RSPO3: variants seen among roughly 807,000 people sequenced by gnomAD.
RSPO3 encodes the protein R-spondin-3.
Under a neutral mutation model 36.5 loss-of-function variants are expected in RSPO3, and 17 were observed. The observed-to-expected ratio is 0.47, with a 90% confidence interval of 0.32 to 0.70. The LOEUF is 0.70. Ranked by LOEUF, RSPO3 falls within the 30% of genes least tolerant of loss-of-function variation. The pLI is 0.04. For synonymous variants in RSPO3, 108 were observed against 107.0 expected, an observed-to-expected ratio of 1.01 and a Z score of -0.06; for missense variants, 294 against 322.5, an observed-to-expected ratio of 0.91 and a Z score of 0.68.
intron 4 of RSPO3, among the ~76,000 whole-genome samples, chr6:127,179,750 A>G (rs118038424): frequency 0.027 from 4,047 of 151,964 alleles, 76 homozygotes; most frequent in Non-Finnish European, 0.04. Flanking sequence ...TGGCAACTCT[A>G]GGGTAGAATC....
intron 1 of RSPO3, among the ~76,000 whole-genome samples, chr6:127,134,312 G>A (rs931858630): frequency 6.6e-6 from 1 of 152,178 alleles, no homozygotes; most frequent in Admixed American, 6.6e-5. Context: ...CCTTGTAATG[G>A]TGTGGCATAG....
Position 127,119,015 on chromosome 6 carries a change from T to C in RSPO3, c.-178T>C. The C allele has an allele frequency of 2.0e-6, 1 of 499,548 alleles. No homozygotes were observed. Among genetic ancestry groups the C allele is most frequent in the Non-Finnish European group, 3.5e-6 (1 of 284,020 alleles). 30.9% of individuals were successfully genotyped at this position (499,548 alleles called of 1,614,324 possible). On this transcript the variant is annotated 5_prime_UTR_variant, in exon 1 of 5. Transcript: ENST00000356698. Reference sequence around the variant, plus strand: ...TTGAAAGTACAATAGTTGGTTTCCCTGTCCACCCGCCCCACTTCGCTTGCC... The same window carrying C: ...TTGAAAGTACAATAGTTGGTTTCCCCGTCCACCCGCCCCACTTCGCTTGCC...
intron 4 of RSPO3, among the ~76,000 whole-genome samples, chr6:127,171,917 A>C (rs1347737809): frequency 6.6e-6 from 1 of 151,620 alleles, no homozygotes; most frequent in Non-Finnish European, 1.5e-5. Flanking sequence ...GGCAGATGAC[A>C]CATGTATATT....
In RSPO3 at chr6:127,195,139, G is replaced by C. The variant is rs551246671; in HGVS notation, c.635-684G>C. ...TTCGAAAAAAATTGAATACAACATG[G>C]TACCTTAAAAATATGAGCCAGATAA... On this transcript the variant is annotated intron_variant, in intron 4 of 4. Transcript: ENST00000356698. 2.0e-5 allele frequency among the ~76,000 whole-genome samples: 3 copies of C among 152,044 alleles called. 1 individual carries two copies. The highest frequency in any genetic ancestry group is 6.6e-5 in the Admixed American group (1 of 15,266).
At chr6:127,159,538 AT>A (rs1347650033) in intron 4 of RSPO3, among the ~76,000 whole-genome samples, 1 of 151,680 alleles carries the variant, frequency 6.6e-6, no homozygotes, top group Admixed American at 6.6e-5. Context: ...GAATCATTGT[AT>A]TACTGTACTA....
chr6:127,132,346 G>A (rs904600348), intron 1 of RSPO3, among the ~76,000 whole-genome samples: 8 of 152,220 alleles, frequency 5.3e-5, no homozygotes, highest in African/African-American at 1.9e-4. Flanking sequence ...AGAATCAAGA[G>A]AGGAGTTAGT....
intron 4 of RSPO3, among the ~76,000 whole-genome samples, chr6:127,158,650 A>C (rs1774643513): frequency 6.6e-6 from 1 of 152,136 alleles, no homozygotes; most frequent in African/African-American, 2.4e-5. Context: ...GATGCTTTTT[A>C]ATATGTATAT....
intron 4 of RSPO3, 151 bp from the exon 5 acceptor site, chr6:127,195,672 T>G (rs1015797655): frequency 8.8e-6 from 5 of 568,480 alleles, no homozygotes; most frequent in Non-Finnish European, 1.5e-5. Flanking sequence ...TACCACAGAC[T>G]TAATAATAGT....
At chr6:127,174,941 C>A (rs1281957100) in intron 4 of RSPO3, among the ~76,000 whole-genome samples, 1 of 151,684 alleles carries the variant, frequency 6.6e-6, no homozygotes, top group Non-Finnish European at 1.5e-5. Flanking sequence ...AAACTTTAAA[C>A]TAACCATGGA....
intron 4 of RSPO3, among the ~76,000 whole-genome samples, chr6:127,179,269 G>A (rs993167411): frequency 2.6e-5 from 4 of 151,806 alleles, no homozygotes; most frequent in Admixed American, 1.3e-4. Context: ...TGAGAGTAGA[G>A]AATTAGATTG....
intron 1 of RSPO3, among the ~76,000 whole-genome samples, chr6:127,136,587 A>G (rs1472509388): frequency 6.6e-6 from 1 of 151,982 alleles, no homozygotes; most frequent in Non-Finnish European, 1.5e-5. Flanking sequence ...TTTTCTCAAC[A>G]CCCTTTTGGA....
At chr6:127,144,915 C>T (rs1412873966) in intron 1 of RSPO3, among the ~76,000 whole-genome samples, 1 of 152,054 alleles carries the variant, frequency 6.6e-6, no homozygotes, top group Non-Finnish European at 1.5e-5. Context: ...AGCCACCGTG[C>T]CAGGCCCAGT....
chr6:127,192,673 T>G, intron 4 of RSPO3: 1 of 985,408 alleles, frequency 1.0e-6, no homozygotes. Context: ...TGAACGCTGT[T>G]TTAATCACTA....
Position 127,127,933 on chromosome 6 carries a change from C to T in RSPO3, c.97+8644C>T, listed in dbSNP as rs73773195. Among the ~76,000 whole-genome samples the T allele has an allele frequency of 4.6e-3, 706 of 152,044 alleles. 5 individuals are homozygous for T. Among genetic ancestry groups the T allele is most frequent in the African/African-American group, 0.016 (661 of 41,512 alleles). On this transcript the variant is annotated intron_variant, in intron 1 of 4. Coordinates refer to ENST00000356698, the MANE Select transcript of RSPO3 (RefSeq NM_032784.5). ...CGCTTTCTTTTCCTTACCCTTTGTCCTCTCTTTCCTTAAACCTGTCTTATT... is the reference window on the plus strand; with the variant it reads ...CGCTTTCTTTTCCTTACCCTTTGTCTTCTCTTTCCTTAAACCTGTCTTATT...
chr6:127,178,568 G>A (rs1775114506), intron 4 of RSPO3, among the ~76,000 whole-genome samples: 1 of 151,480 alleles, frequency 6.6e-6, no homozygotes, highest in Non-Finnish European at 1.5e-5. Flanking sequence ...TTATTGCTTT[G>A]TATTACATTA....
rs551195773 is a variant in RSPO3 at position 127,172,382 on chromosome 6, A to T, written c.634+16944A>T. Among the ~76,000 whole-genome samples the T allele has an allele frequency of 2.6e-5, 4 of 151,762 alleles. No homozygotes were observed. In the South Asian group the frequency reaches 8.3e-4, roughly 31 times the overall value. On this transcript the variant is annotated intron_variant, in intron 4 of 4. Coordinates refer to ENST00000356698, the MANE Select transcript of RSPO3 (RefSeq NM_032784.5). ...CCTAATGTTCCATAGAGCCCCACTA[A>T]ATAATATAACAGCTGGAAGGGATTT...
At chr6:127,140,106 GA>G (rs1774240979) in intron 1 of RSPO3, among the ~76,000 whole-genome samples, 1 of 151,818 alleles carries the variant, frequency 6.6e-6, no homozygotes, top group Non-Finnish European at 1.5e-5. Context: ...TTCATTTAAG[GA>G]ATTAAAGAAC....
chr6:127,168,413 G>T (rs866495962), intron 4 of RSPO3, among the ~76,000 whole-genome samples: 1 of 94,702 alleles, frequency 1.1e-5, no homozygotes, highest in Non-Finnish European at 2.3e-5. Context: ...TTTTAGAAGT[G>T]TCTGTTATAT....
chr6:127,155,173 T>C (rs760388976), intron 3 of RSPO3, 68 bp from the exon 4 acceptor site: 49 of 1,509,980 alleles, frequency 3.2e-5, no homozygotes, highest in Non-Finnish European at 4.5e-5. Context: ...AAGCAAATCT[T>C]TTTTTAACTC....
Sources: allele counts gnomAD v4.1 joint callset (sites outside exome capture counted in the v4.1 genomes callset), GRCh38; gene constraint gnomAD v4.1.1; transcripts MANE v1.5; gene names NCBI Gene and HGNC (gene_info 2026-07-23, HGNC 2026-07-21).